The following PGCKA1 variants were observed in gnomAD, a reference collection of about 807,000 sequenced individuals.
PGCKA1 encodes PDCD10 and GCKIII kinases associated 1, also known as PDCD10 and GCKIII kinases-associated protein 1.
At chr4:37,484,240 C>T in the PGCKA1 span, among the ~76,000 whole-genome samples, 1 of 152,100 alleles carries the variant, frequency 6.6e-6, no homozygotes, top group Non-Finnish European at 1.5e-5. Flanking sequence ...CTCACCGTTC[C>T]ACATGGCTGT....
At chr4:37,563,058 A>C in the PGCKA1 span, among the ~76,000 whole-genome samples, 2 of 149,074 alleles carry the variant, frequency 1.3e-5, no homozygotes, top group Non-Finnish European at 3.0e-5. Flanking sequence ...GTTCATCTAC[A>C]ATTAGGGGAC....
chr4:37,532,958 TGGGGGGAACAGTGGGA>T, the PGCKA1 span, among the ~76,000 whole-genome samples: 1 of 144,050 alleles, frequency 6.9e-6, no homozygotes, highest in Non-Finnish European at 1.5e-5. Flanking sequence ...TTTGGGGACT[TGGGGGGAACAGTGGGA>T]GGGGGGCGAG....
chr4:37,524,757 T>A, the PGCKA1 span, among the ~76,000 whole-genome samples: 1 of 152,170 alleles, frequency 6.6e-6, no homozygotes, highest in Admixed American at 6.5e-5. Flanking sequence ...ACAGTGCTTT[T>A]AAAATGAAGT....
the PGCKA1 span, among the ~76,000 whole-genome samples, chr4:37,517,316 T>G: frequency 0.14 from 20,144 of 147,530 alleles, 1,405 homozygotes; most frequent in South Asian, 0.18. Flanking sequence ...TAAATATATA[T>G]ATAGAGAGAG....
chr4:37,488,948 A>T, the PGCKA1 span, among the ~76,000 whole-genome samples: 11 of 152,128 alleles, frequency 7.2e-5, no homozygotes, highest in African/African-American at 2.7e-4. Flanking sequence ...TAAAAAACAC[A>T]GTGTTACTAG....
chr4:37,517,177 G>A, the PGCKA1 span, among the ~76,000 whole-genome samples: 3 of 151,612 alleles, frequency 2.0e-5, no homozygotes, highest in East Asian at 5.8e-4. Context: ...CTTGAACCCG[G>A]GAGGCGGAGG....
the PGCKA1 span, among the ~76,000 whole-genome samples, chr4:37,517,224 A>G: frequency 6.6e-6 from 1 of 150,538 alleles, no homozygotes; most frequent in Non-Finnish European, 1.5e-5. Context: ...GCACTTCAGC[A>G]TGGGCAACAA....
At chr4:37,509,418 A>G in the PGCKA1 span, among the ~76,000 whole-genome samples, 47,163 of 110,080 alleles carry the variant, frequency 0.43, 11,363 homozygotes, top group African/African-American at 0.52. Flanking sequence ...CAGGGCAGAG[A>G]TGCTCCCCAC....
At chr4:37,469,850 T>A in the PGCKA1 span, among the ~76,000 whole-genome samples, 1 of 152,328 alleles carries the variant, frequency 6.6e-6, no homozygotes, top group South Asian at 2.1e-4. Flanking sequence ...GTTGATGTTC[T>A]CCATAACTTG....
chr4:37,493,631 A>T, the PGCKA1 span, among the ~76,000 whole-genome samples: 1 of 152,200 alleles, frequency 6.6e-6, no homozygotes, highest in African/African-American at 2.4e-5. Flanking sequence ...ACTGCCAATA[A>T]TATCAGGAAA....
chr4:37,476,808 A>C, the PGCKA1 span, among the ~76,000 whole-genome samples: 4 of 152,170 alleles, frequency 2.6e-5, no homozygotes, highest in African/African-American at 9.7e-5. Context: ...ATTTTTGAAA[A>C]TTACCTTGCC....
chr4:37,562,745 T>C, the PGCKA1 span, among the ~76,000 whole-genome samples: 1 of 152,224 alleles, frequency 6.6e-6, no homozygotes, highest in Non-Finnish European at 1.5e-5. Context: ...GACACTATAT[T>C]AGTCATGTAT....
the PGCKA1 span, among the ~76,000 whole-genome samples, chr4:37,505,059 T>C: frequency 2.0e-5 from 3 of 152,310 alleles, no homozygotes; most frequent in East Asian, 3.9e-4. Flanking sequence ...TGTAGCTCTG[T>C]TGTATATGGA....
chr4:37,508,024 T>G, the PGCKA1 span, among the ~76,000 whole-genome samples: 1 of 152,190 alleles, frequency 6.6e-6, no homozygotes, highest in Non-Finnish European at 1.5e-5. Context: ...CCTGTGAAGT[T>G]TCCTCTGAAA....
At chr4:37,473,158 C>T in the PGCKA1 span, among the ~76,000 whole-genome samples, 7 of 152,064 alleles carry the variant, frequency 4.6e-5, no homozygotes, top group African/African-American at 1.7e-4. Flanking sequence ...AAGAAGGTAA[C>T]CCCAAATTTT....
the PGCKA1 span, among the ~76,000 whole-genome samples, chr4:37,518,496 T>C: frequency 6.6e-6 from 1 of 152,250 alleles, no homozygotes; most frequent in Non-Finnish European, 1.5e-5. Context: ...TCATTGTAAT[T>C]TTGATTTGCA....
chr4:37,483,432 G>A, the PGCKA1 span, among the ~76,000 whole-genome samples: 1 of 152,090 alleles, frequency 6.6e-6, no homozygotes, highest in African/African-American at 2.4e-5. Context: ...TAGAGCCAGT[G>A]CCATCTTTGT....
At chr4:37,501,406 G>A in the PGCKA1 span, among the ~76,000 whole-genome samples, 3 of 152,076 alleles carry the variant, frequency 2.0e-5, no homozygotes, top group Non-Finnish European at 2.9e-5. Flanking sequence ...GATCTAGGTT[G>A]TGTGCTCCTT....
At chr4:37,515,147 G>C in the PGCKA1 span, among the ~76,000 whole-genome samples, 1 of 152,024 alleles carries the variant, frequency 6.6e-6, no homozygotes, top group East Asian at 1.9e-4. Flanking sequence ...TGGTACTAGT[G>C]CTCTTATAAA....
Sources: allele counts gnomAD v4.1 joint callset (sites outside exome capture counted in the v4.1 genomes callset), GRCh38; gene constraint gnomAD v4.1.1; transcripts MANE v1.5; gene names NCBI Gene and HGNC (gene_info 2026-07-23, HGNC 2026-07-21).